LSAMP: variants seen among roughly 807,000 people sequenced by gnomAD.
LSAMP encodes the protein limbic system-associated membrane protein.
LSAMP carries 7 observed loss-of-function variants against 38.6 expected under a neutral mutation model. The observed-to-expected ratio is 0.18, with a 90% CI of 0.10 to 0.34. The LOEUF (loss-of-function observed/expected upper bound fraction) is 0.34. LSAMP is among the 10% of genes least tolerant of loss of function. The pLI, the probability that LSAMP is intolerant of heterozygous loss-of-function variation, is 1.00. For missense variants in LSAMP, 313 were observed against 420.0 expected (o/e 0.75, Z 2.23); for synonymous variants, 154 against 166.8 (o/e 0.92, Z 0.59).
chr3:115,922,065 T>C (rs2107524887), intron 3 of LSAMP, among the ~76,000 whole-genome samples: 1 of 152,344 alleles, frequency 6.6e-6, no homozygotes, highest in Admixed American at 6.5e-5. Context: ...TGTGAATTTC[T>C]TTGAATTTAT....
chr3:116,190,418 G>A (rs1030389722), intron 1 of LSAMP, among the ~76,000 whole-genome samples: 1 of 152,022 alleles, frequency 6.6e-6, no homozygotes, highest in Non-Finnish European at 1.5e-5. Context: ...CCCTGAAAAT[G>A]TGGAGTCAAC....
intron 1 of LSAMP, among the ~76,000 whole-genome samples, chr3:116,126,133 T>C (rs141103784): frequency 8.5e-5 from 13 of 152,214 alleles, no homozygotes; most frequent in African/African-American, 2.9e-4. Context: ...AACTTTTGTC[T>C]ACATGAAAAG....
chr3:116,034,948 CTT>C (rs1014531314), intron 2 of LSAMP, among the ~76,000 whole-genome samples: 21 of 152,200 alleles, frequency 1.4e-4, no homozygotes, highest in African/African-American at 5.1e-4. Flanking sequence ...TCTCTACTGA[CTT>C]TTCATGAAGC....
intron 2 of LSAMP, among the ~76,000 whole-genome samples, chr3:116,027,896 G>A (rs1315779384): frequency 6.6e-6 from 1 of 152,094 alleles, no homozygotes; most frequent in Non-Finnish European, 1.5e-5. Flanking sequence ...CATTTCTAAT[G>A]GTACAAATTA....
At chr3:116,206,242 T>C (rs1176809316) in intron 1 of LSAMP, among the ~76,000 whole-genome samples, 4 of 149,718 alleles carry the variant, frequency 2.7e-5, no homozygotes, top group Admixed American at 1.3e-4. Context: ...GTGGGATCAG[T>C]GGTGATATCC....
At chr3:116,302,266 G>A (rs1446390603) in intron 1 of LSAMP, among the ~76,000 whole-genome samples, 1 of 152,148 alleles carries the variant, frequency 6.6e-6, no homozygotes, top group African/African-American at 2.4e-5. Flanking sequence ...GTGGCTCTAG[G>A]CAAAATTGTA....
chr3:116,368,524 A>C (rs1007587464), intron 1 of LSAMP, among the ~76,000 whole-genome samples: 5 of 152,228 alleles, frequency 3.3e-5, no homozygotes, highest in African/African-American at 1.2e-4. Flanking sequence ...TGTTAGATTT[A>C]TGTAGTAAAA....
intron 3 of LSAMP, among the ~76,000 whole-genome samples, chr3:115,940,751 G>A (rs1559889681): frequency 6.6e-6 from 1 of 152,044 alleles, no homozygotes. Context: ...TCTCTGTTTT[G>A]TTGCACCAGT....
intron 1 of LSAMP, among the ~76,000 whole-genome samples, chr3:116,204,006 C>T (rs2046028511): frequency 1.3e-5 from 2 of 151,904 alleles, no homozygotes; most frequent in Non-Finnish European, 2.9e-5. Flanking sequence ...AACTAGTTTA[C>T]AGTCCCACCA....
At chr3:116,415,381 C>G (rs141155608) in intron 1 of LSAMP, among the ~76,000 whole-genome samples, 26 of 152,086 alleles carry the variant, frequency 1.7e-4, no homozygotes, top group African/African-American at 6.3e-4. Flanking sequence ...TGAGGGAGGG[C>G]TATAGATACA....
chr3:116,315,256 C>A (rs2047613365), intron 1 of LSAMP, among the ~76,000 whole-genome samples: 1 of 152,178 alleles, frequency 6.6e-6, no homozygotes, highest in Admixed American at 6.5e-5. Context: ...CTTCCTATAG[C>A]CTCTTTAAGG....
At chr3:116,301,705 C>A (rs923985845) in intron 1 of LSAMP, among the ~76,000 whole-genome samples, 6 of 152,030 alleles carry the variant, frequency 3.9e-5, no homozygotes, top group Non-Finnish European at 7.4e-5. Flanking sequence ...TCCTGCCAAA[C>A]CATGGGAAAT....
At chr3:116,067,833 A>ATT (rs1292640847) in intron 2 of LSAMP, among the ~76,000 whole-genome samples, 4 of 152,128 alleles carry the variant, frequency 2.6e-5, no homozygotes, top group Non-Finnish European at 5.9e-5. Flanking sequence ...TTAATGTTAT[A>ATT]TTTATCTTTA....
At chr3:116,388,063 A>G (rs934014680) in intron 1 of LSAMP, among the ~76,000 whole-genome samples, 4 of 152,058 alleles carry the variant, frequency 2.6e-5, no homozygotes, top group African/African-American at 9.7e-5. Flanking sequence ...AAAAGACCAT[A>G]AGAATATACC....
intron 3 of LSAMP, among the ~76,000 whole-genome samples, chr3:115,858,836 A>T (rs543044447): frequency 4.6e-5 from 7 of 152,326 alleles, no homozygotes; most frequent in Admixed American, 2.0e-4. Context: ...AAAGATCACG[A>T]ATCAGTGATG....
chr3:116,411,321 G>A (rs2048973934), intron 1 of LSAMP, among the ~76,000 whole-genome samples: 1 of 151,940 alleles, frequency 6.6e-6, no homozygotes, highest in Non-Finnish European at 1.5e-5. Context: ...AAAGACACAT[G>A]CACACGTATG....
intron 1 of LSAMP, among the ~76,000 whole-genome samples, chr3:116,105,929 C>T (rs1016105349): frequency 2.2e-4 from 34 of 151,770 alleles, no homozygotes; most frequent in Non-Finnish European, 4.7e-4. Flanking sequence ...TTAGGGGCGG[C>T]GTGGGAACCT....
At chr3:116,120,594 G>A (rs564389398) in intron 1 of LSAMP, among the ~76,000 whole-genome samples, 1 of 152,320 alleles carries the variant, frequency 6.6e-6, no homozygotes, top group African/African-American at 2.4e-5. Context: ...GTCAAGGTGA[G>A]GGCAGTTCCC....
intron 2 of LSAMP, among the ~76,000 whole-genome samples, chr3:116,031,538 CTTTTTTTTTTTTTTTTTTTTTTTTTTTTT>C (rs56951507): frequency 3.5e-3 from 210 of 60,260 alleles, no homozygotes; most frequent in African/African-American, 9.1e-3. Flanking sequence ...AGCCTAAATT[CTTTTTTTTTTTTTTTTTTTTTTTTTTTTT>C]TTTTTTTTTT....
Sources: allele counts gnomAD v4.1 joint callset (sites outside exome capture counted in the v4.1 genomes callset), GRCh38; gene constraint gnomAD v4.1.1; transcripts MANE v1.5; gene names NCBI Gene and HGNC (gene_info 2026-07-23, HGNC 2026-07-21).